SMC3: variants seen among roughly 807,000 people sequenced by gnomAD.
SMC3 encodes structural maintenance of chromosomes protein 3.
In SMC3, 20 loss-of-function variants were observed where a neutral mutation model predicts 171.8. The ratio of observed to expected loss-of-function variants is 0.12; its 90% CI spans 0.08 to 0.17. SMC3 has a LOEUF of 0.17. Ranked by LOEUF, SMC3 falls within the 10% of genes least tolerant of loss-of-function variation. The pLI, the probability that SMC3 is intolerant of heterozygous loss-of-function variation, is 1.00. For synonymous variants in SMC3, 464 were observed against 451.1 expected (o/e 1.03, Z -0.36); for missense variants, 543 against 1,420.4 (o/e 0.38, Z 9.93).
chr10:110,597,497 A>AT (rs1039758884), intron 19 of SMC3, among the ~76,000 whole-genome samples: 6 of 152,304 alleles, frequency 3.9e-5, no homozygotes, highest in African/African-American at 1.4e-4. Flanking sequence ...TGAAACTGGA[A>AT]TTTTTTTAAA....
In SMC3 at chr10:110,604,719, C is replaced by G. The variant is rs2134756388; in HGVS notation, c.*417C>G. The G allele has an allele frequency of 5.6e-6, 1 of 178,316 alleles. No individual in the cohort carries two copies. The highest frequency in any genetic ancestry group is 2.4e-5 in the African/African-American group (1 of 41,712). The allele number at this position is 178,316 out of a possible 1,614,324, so 11.0% of individuals were successfully genotyped here. ...GATTGGATGTAAGGCCTCATTTTAA[C>G]TTAATCACCTCTTTAAAAGACCTGT... On this transcript the variant is annotated 3_prime_UTR_variant, in exon 29 of 29. Transcript: ENST00000361804.
At chr10:110,581,602 T>G (rs1336515653) in intron 8 of SMC3, among the ~76,000 whole-genome samples, 1 of 152,186 alleles carries the variant, frequency 6.6e-6, no homozygotes, top group Admixed American at 6.5e-5. Context: ...TGTAAATTTG[T>G]TCTCTGGTGC....
intron 2 of SMC3, 151 bp downstream of exon 2, chr10:110,569,164 C>T: frequency 3.0e-6 from 2 of 661,518 alleles, no homozygotes; most frequent in East Asian, 2.7e-5. Context: ...TCTTATTGCA[C>T]TGATGAATTG....
At chr10:110,582,183 A>T (rs1182745681) in intron 9 of SMC3, 85 bp downstream of exon 9, 1 of 1,189,566 alleles carries the variant, frequency 8.4e-7, no homozygotes, top group Non-Finnish European at 1.2e-6. Flanking sequence ...TACACTTTTC[A>T]GTGATTTTAA....
chr10:110,598,024 T>G, intron 19 of SMC3, 115 bp from the exon 20 acceptor site: 2 of 934,150 alleles, frequency 2.1e-6, no homozygotes, highest in East Asian at 4.9e-5. Flanking sequence ...TTTGAGGACA[T>G]AAATGTTATT....
At chr10:110,582,206 A>T in intron 9 of SMC3, 108 bp downstream of exon 9, 1 of 1,026,864 alleles carries the variant, frequency 9.7e-7, no homozygotes, top group African/African-American at 1.6e-5. Flanking sequence ...AGAAACTTAA[A>T]AAAAACCTCT....
At chr10:110,570,087 C>T (rs1053886437) in intron 2 of SMC3, among the ~76,000 whole-genome samples, 3 of 152,142 alleles carry the variant, frequency 2.0e-5, no homozygotes, top group African/African-American at 7.2e-5. Flanking sequence ...ATCAGGATAC[C>T]TGCATGGTTA....
chr10:110,589,775 T>C (rs371177870), intron 14 of SMC3, 67 bp downstream of exon 14: 1 of 1,431,732 alleles, frequency 7.0e-7, no homozygotes, highest in Non-Finnish European at 9.8e-7. Flanking sequence ...TATGTGGTCT[T>C]TAAGTTACAA....
At chr10:110,583,642 T>A in intron 11 of SMC3, 94 bp downstream of exon 11, 1 of 1,411,636 alleles carries the variant, frequency 7.1e-7, no homozygotes, top group Non-Finnish European at 9.9e-7. Context: ...GTGTTGGAAT[T>A]TTTTTTTAAG....
At chr10:110,581,146 A>G (rs1223350993) in intron 8 of SMC3, 125 bp downstream of exon 8, 2 of 713,626 alleles carry the variant, frequency 2.8e-6, no homozygotes, top group East Asian at 5.1e-5. Context: ...GCTGTTATTA[A>G]TAAAAATTGA....
intron 17 of SMC3, among the ~76,000 whole-genome samples, chr10:110,591,860 T>G (rs1212727192): frequency 6.6e-6 from 1 of 152,188 alleles, no homozygotes; most frequent in Non-Finnish European, 1.5e-5. Flanking sequence ...ATCTACAAAT[T>G]GTCTTTGAAG....
rs182672020 is a variant in SMC3 at position 110,593,023 on chromosome 10, T to G, written c.1813-50T>G. 109 of 1,416,686 alleles carry G rather than the reference T, an allele frequency of 7.7e-5. 1 individual carries two copies. In the Admixed American group the frequency reaches 1.5e-3, roughly 19 times the overall value. 87.8% of individuals were successfully genotyped at this position (1,416,686 alleles called of 1,614,324 possible). ...AAGATGTAATTTCATAATTCTAAGT[T>G]CTTAGTTAACTGTGTTGTGATCTCT... is the stretch of plus-strand genomic sequence containing the variant. On this transcript the variant is annotated intron_variant, in intron 17 of 28. Transcript: ENST00000361804.
At chr10:110,603,352 A>AT in intron 28 of SMC3, 62 bp downstream of exon 28, 2 of 1,052,466 alleles carry the variant, frequency 1.9e-6, no homozygotes, top group South Asian at 2.7e-5. Flanking sequence ...TTGAATTCTG[A>AT]TTTTATGTTA....
At chr10:110,579,245 T>C (rs1860997147) in intron 7 of SMC3, among the ~76,000 whole-genome samples, 1 of 152,204 alleles carries the variant, frequency 6.6e-6, no homozygotes, top group South Asian at 2.1e-4. Flanking sequence ...TCAAAGAATA[T>C]TCACTTATTT....
intron 14 of SMC3, 75 bp from the exon 15 acceptor site, chr10:110,589,817 G>T: frequency 1.3e-6 from 2 of 1,508,018 alleles, no homozygotes; most frequent in South Asian, 1.1e-5. Flanking sequence ...TCTGTATTTT[G>T]ATTCTAAACT....
chr10:110,600,601 T>C (rs1447880889), intron 22 of SMC3, 55 bp downstream of exon 22: 2 of 877,206 alleles, frequency 2.3e-6, no homozygotes, highest in Non-Finnish European at 3.9e-6. Flanking sequence ...CCATGACCTA[T>C]TGCAAGTGGT....
At chr10:110,585,912 G>A (rs943521107) in intron 13 of SMC3, among the ~76,000 whole-genome samples, 14 of 151,498 alleles carry the variant, frequency 9.2e-5, no homozygotes, top group African/African-American at 2.9e-4. Context: ...ATTCTCCTGC[G>A]TCAGCCTCCC....
rs1015363510 is a variant in SMC3 at position 110,581,327 on chromosome 10, C to G, written c.547+306C>G. On this transcript the variant is annotated intron_variant, in intron 8 of 28. Coordinates refer to ENST00000361804, the MANE Select transcript of SMC3 (RefSeq NM_005445.4). Reference sequence around the variant, plus strand: ...CTGCCTCCCGGGTTCAAGTGATTCTCCTGCCTCAGCCTCCCTGAGTAGCTG... The same window carrying G: ...CTGCCTCCCGGGTTCAAGTGATTCTGCTGCCTCAGCCTCCCTGAGTAGCTG... Among the ~76,000 whole-genome samples the G allele has an allele frequency of 2.0e-5, 3 of 151,264 alleles. 1 individual carries two copies. The highest frequency in any genetic ancestry group is 7.3e-5 in the African/African-American group (3 of 41,092).
At chr10:110,590,609 G>C in intron 16 of SMC3, 37 bp downstream of exon 16, 3 of 1,587,448 alleles carry the variant, frequency 1.9e-6, no homozygotes, top group East Asian at 2.2e-5. Context: ...ATTTTTAGAA[G>C]AGGGAATAAG....
Sources: allele counts gnomAD v4.1 joint callset (sites outside exome capture counted in the v4.1 genomes callset), GRCh38; gene constraint gnomAD v4.1.1; transcripts MANE v1.5; gene names NCBI Gene and HGNC (gene_info 2026-07-23, HGNC 2026-07-21).